Variants in AMPH observed in about 807,000 individuals in gnomAD.
AMPH encodes the protein amphiphysin, also known as amphiphysin (Stiff-Mann syndrome with breast cancer 128kD autoantigen).
AMPH carries 49 observed loss-of-function variants against 99.1 expected under a neutral mutation model. The observed-to-expected ratio is 0.49, with a 90% CI of 0.39 to 0.63. The LOEUF is 0.63. Among genes scored for constraint, AMPH ranks in the 20% least tolerant of loss-of-function variants. AMPH has a pLI of 0.00. For synonymous variants in AMPH, 314 were observed against 317.3 expected (o/e 0.99, Z 0.11); for missense variants, 759 against 863.4 (o/e 0.88, Z 1.52).
At chr7:38,470,565 A>G (rs1214632745) in intron 7 of AMPH, among the ~76,000 whole-genome samples, 2 of 152,018 alleles carry the variant, frequency 1.3e-5, no homozygotes, top group Non-Finnish European at 2.9e-5. Context: ...AGGCTTTTCC[A>G]CAGTCCCCTC....
chr7:38,589,394 C>T (rs1792773929), intron 1 of AMPH, among the ~76,000 whole-genome samples: 1 of 152,264 alleles, frequency 6.6e-6, no homozygotes, highest in Admixed American at 6.5e-5. Flanking sequence ...TACCTTAATC[C>T]TCATCTCAGG....
At chr7:38,446,595 T>C (rs1786793157) in intron 11 of AMPH, among the ~76,000 whole-genome samples, 1 of 152,118 alleles carries the variant, frequency 6.6e-6, no homozygotes, top group Non-Finnish European at 1.5e-5. Context: ...GAAAGATGAG[T>C]GTTTGCCTAG....
intron 1 of AMPH, among the ~76,000 whole-genome samples, chr7:38,590,621 C>T (rs1225674827): frequency 1.3e-5 from 2 of 152,202 alleles, no homozygotes; most frequent in Non-Finnish European, 2.9e-5. Context: ...TCTTTACCTC[C>T]TGCTCTTAGC....
At chr7:38,531,737 G>A (rs1232894289) in intron 2 of AMPH, among the ~76,000 whole-genome samples, 1 of 152,012 alleles carries the variant, frequency 6.6e-6, no homozygotes, top group African/African-American at 2.4e-5. Context: ...GTGTGGTCAG[G>A]GGACTATAAT....
intron 17 of AMPH, among the ~76,000 whole-genome samples, chr7:38,416,783 C>G (rs1303529009): frequency 6.6e-6 from 1 of 152,154 alleles, no homozygotes; most frequent in Non-Finnish European, 1.5e-5. Flanking sequence ...ACTCCCTGGT[C>G]TAAAGTCCCT....
At chr7:38,406,708 C>CCTCTTCT (rs1200107140) in intron 17 of AMPH, among the ~76,000 whole-genome samples, 10 of 143,048 alleles carry the variant, frequency 7.0e-5, no homozygotes, top group East Asian at 4.4e-4. Context: ...AGTTCTCTCT[C>CCTCTTCT]CTCTCCTCTC....
intron 2 of AMPH, among the ~76,000 whole-genome samples, chr7:38,529,982 T>C (rs78124478): frequency 6.6e-6 from 1 of 152,212 alleles, no homozygotes; most frequent in Non-Finnish European, 1.5e-5. Flanking sequence ...TCTTTAGTCA[T>C]TTATATGTAC....
chr7:38,395,529 A>G (rs926273345), intron 17 of AMPH, among the ~76,000 whole-genome samples: 1 of 152,274 alleles, frequency 6.6e-6, no homozygotes, highest in Non-Finnish European at 1.5e-5. Flanking sequence ...CCAACTCTTT[A>G]AACAGGATTC....
intron 17 of AMPH, among the ~76,000 whole-genome samples, chr7:38,397,393 T>G (rs986946037): frequency 9.9e-5 from 15 of 152,220 alleles, no homozygotes; most frequent in African/African-American, 3.6e-4. Flanking sequence ...TATCTATCAA[T>G]TTGGTTGTAT....
intron 1 of AMPH, among the ~76,000 whole-genome samples, chr7:38,599,450 C>A (rs1793170339): frequency 6.6e-6 from 1 of 152,176 alleles, no homozygotes; most frequent in Non-Finnish European, 1.5e-5. Context: ...ATTTTCTTTT[C>A]ACTAGCTTAC....
intron 2 of AMPH, among the ~76,000 whole-genome samples, chr7:38,513,457 C>T (rs1789619300): frequency 1.3e-5 from 2 of 152,034 alleles, no homozygotes; most frequent in African/African-American, 2.4e-5. Context: ...TCAAAGAATA[C>T]CAATTGGGTT....
intron 1 of AMPH, among the ~76,000 whole-genome samples, chr7:38,607,598 T>C (rs1793478240): frequency 6.6e-6 from 1 of 152,134 alleles, no homozygotes; most frequent in African/African-American, 2.4e-5. Flanking sequence ...GGAAAGCAGT[T>C]GAGGAAAAGA....
chr7:38,438,295 T>C lies in AMPH; in HGVS notation c.1018-1907A>G, dbSNP rs370565920. ...TGCATTGTACCTGCCTTTTCAAATA[T>C]AATCCTTACAAAAAATTGAGGGAGA... On this transcript the variant is annotated intron_variant, in intron 11 of 20. Transcript: ENST00000356264. Among the ~76,000 whole-genome samples, 5 of 152,200 alleles carry C rather than the reference T, an allele frequency of 3.3e-5. No individual in the cohort carries two copies. The East Asian group carries it at 5.8e-4, about 18-fold the overall frequency.
chr7:38,397,059 C>T (rs1474313952), intron 17 of AMPH, among the ~76,000 whole-genome samples: 1 of 152,226 alleles, frequency 6.6e-6, no homozygotes, highest in Admixed American at 6.5e-5. Context: ...TGGACTCTAT[C>T]TACATGCAGA....
At chr7:38,442,711 T>C (rs1786600543) in intron 11 of AMPH, among the ~76,000 whole-genome samples, 1 of 151,690 alleles carries the variant, frequency 6.6e-6, no homozygotes, top group Non-Finnish European at 1.5e-5. Context: ...TTACGGAAAA[T>C]TTATAGCACT....
At chr7:38,524,818 A>C (rs1790101099) in intron 2 of AMPH, among the ~76,000 whole-genome samples, 1 of 152,122 alleles carries the variant, frequency 6.6e-6, no homozygotes, top group African/African-American at 2.4e-5. Context: ...CTGATGTGGC[A>C]ATATGGGGCC....
intron 1 of AMPH, among the ~76,000 whole-genome samples, chr7:38,618,250 C>T (rs906219597): frequency 5.9e-5 from 9 of 151,864 alleles, no homozygotes; most frequent in African/African-American, 2.2e-4. Context: ...CGGTGGCTCA[C>T]ACCTATAATC....
intron 3 of AMPH, among the ~76,000 whole-genome samples, chr7:38,499,978 C>T (rs576173441): frequency 1.5e-4 from 23 of 152,312 alleles, no homozygotes; most frequent in African/African-American, 5.5e-4. Context: ...GAGGCCTCTG[C>T]AGCCATGTGG....
chr7:38,507,267 A>T (rs1789361868), intron 2 of AMPH, among the ~76,000 whole-genome samples: 1 of 152,190 alleles, frequency 6.6e-6, no homozygotes, highest in East Asian at 1.9e-4. Context: ...AAAGTTCAAA[A>T]TTGTACAATA....
Sources: gnomAD v4.1 joint callset for allele counts (sites outside exome capture counted in the v4.1 genomes callset) on GRCh38, gnomAD v4.1.1 for gene constraint, MANE v1.5 for transcripts, NCBI Gene and HGNC (gene_info 2026-07-23, HGNC 2026-07-21) for gene names.